PID1: variants seen among roughly 807,000 people sequenced by gnomAD.
The protein encoded by PID1 is PTB-containing, cubilin and LRP1-interacting protein.
In PID1, 10 loss-of-function variants were observed where a neutral mutation model predicts 19.1. That is an observed-to-expected ratio of 0.52 (90% CI 0.32 to 0.89). The LOEUF (loss-of-function observed/expected upper bound fraction) is 0.89, where lower values mean the gene tolerates loss of function less well. Among genes scored for constraint, PID1 ranks in the 40% least tolerant of loss-of-function variants. The pLI is 0.03. For missense variants in PID1, 248 were observed against 285.3 expected (o/e 0.87, Z 0.94); for synonymous variants, 130 against 116.0 (o/e 1.12, Z -0.78).
rs60923610 is a variant in PID1, at chr2:229,258,861, CAAAAAAAAAAA to C, written c.30+12142_30+12152del. On this transcript the variant is annotated intron_variant, in intron 1 of 2. Transcript: ENST00000392055. ...TGGGCGACAAAGCGAGACTCCGTCT[CAAAAAAAAAAA>C]AAAAAAAAAAAGATGTTGAACAAAT... Among the ~76,000 whole-genome samples, 27 of 66,998 alleles carry C rather than the reference CAAAAAAAAAAA, an allele frequency of 4.0e-4. 1 individual carries two copies. Among genetic ancestry groups the C allele is most frequent in the Non-Finnish European group, 7.5e-4 (24 of 32,212 alleles). The allele number at this position is 66,998 out of a possible 152,430, so 44.0% of individuals were successfully genotyped here.
At chr2:229,147,534 TA>T (rs1156967197) in intron 2 of PID1, among the ~76,000 whole-genome samples, 1 of 151,952 alleles carries the variant, frequency 6.6e-6, no homozygotes, top group Non-Finnish European at 1.5e-5. Context: ...CATTATTTTA[TA>T]AAAATGGATA....
intron 2 of PID1, among the ~76,000 whole-genome samples, chr2:229,075,435 A>G (rs1473654845): frequency 1.3e-5 from 2 of 152,340 alleles, no homozygotes; most frequent in African/African-American, 4.8e-5. Context: ...CATGCCCACC[A>G]CATATCAGTG....
At chr2:229,123,629 C>T (rs984286232) in intron 2 of PID1, among the ~76,000 whole-genome samples, 10 of 152,160 alleles carry the variant, frequency 6.6e-5, no homozygotes, top group African/African-American at 9.7e-5. Context: ...TACCATTTTA[C>T]CTTCCCACCA....
intron 1 of PID1, among the ~76,000 whole-genome samples, chr2:229,187,272 T>C (rs563974112): frequency 6.6e-6 from 1 of 152,322 alleles, no homozygotes; most frequent in African/African-American, 2.4e-5. Flanking sequence ...TTTGGGTATC[T>C]TTTCAGCAGC....
chr2:229,218,293 C>CA (rs67801043), intron 1 of PID1, among the ~76,000 whole-genome samples: 41 of 67,588 alleles, frequency 6.1e-4, no homozygotes, highest in African/African-American at 1.4e-3. Context: ...GTTTCCTGAG[C>CA]AAAAAAAAAA....
At chr2:229,026,298 C>T (rs143101840) in intron 2 of PID1, among the ~76,000 whole-genome samples, 190 bp from the exon 3 acceptor site, 1 of 152,298 alleles carries the variant, frequency 6.6e-6, no homozygotes, top group East Asian at 1.9e-4. Flanking sequence ...GCCTACTTGG[C>T]AAATGTATTG....
At chr2:229,060,355 A>T (rs1340299059) in intron 2 of PID1, among the ~76,000 whole-genome samples, 1 of 152,082 alleles carries the variant, frequency 6.6e-6, no homozygotes, top group Non-Finnish European at 1.5e-5. Flanking sequence ...CTACATATGG[A>T]TGACATCATA....
chr2:229,029,617 G>A (rs575234446), intron 2 of PID1, among the ~76,000 whole-genome samples: 9 of 152,034 alleles, frequency 5.9e-5, no homozygotes, highest in East Asian at 1.9e-4. Flanking sequence ...AGAGGCGGGC[G>A]GAACACGAGG....
chr2:229,150,108 C>A (rs749988662), intron 2 of PID1, among the ~76,000 whole-genome samples: 10 of 151,104 alleles, frequency 6.6e-5, no homozygotes, highest in Non-Finnish European at 1.5e-4. Flanking sequence ...GTGGCGGATG[C>A]CTGCAATTTA....
chr2:229,075,786 C>T lies in PID1; in HGVS notation c.178-49678G>A, dbSNP rs564860319. On this transcript the variant is annotated intron_variant, in intron 2 of 2. Coordinates refer to ENST00000392055, the MANE Select transcript of PID1 (RefSeq NM_001100818.2). ...TTAACTGCTATGCTCTTCCTTTTTT[C>T]CTGAGAAGTACTGTAAGAATACTGG... Among the ~76,000 whole-genome samples, 33 of 152,222 alleles carry T rather than the reference C, an allele frequency of 2.2e-4. No individual in the cohort carries two copies. The South Asian group carries it at 6.8e-3, about 32-fold the overall frequency.
chr2:229,127,854 T>C (rs1695655079), intron 2 of PID1, among the ~76,000 whole-genome samples: 1 of 152,244 alleles, frequency 6.6e-6, no homozygotes, highest in Non-Finnish European at 1.5e-5. Context: ...TGCCTGTCTG[T>C]AGGTGTTCCT....
chr2:229,185,016 CTA>C (rs1224708322), intron 1 of PID1, among the ~76,000 whole-genome samples: 9 of 142,392 alleles, frequency 6.3e-5, no homozygotes, highest in African/African-American at 2.3e-4. Flanking sequence ...ACTATATATA[CTA>C]TATGTATACT....
At chr2:229,122,312 A>G (rs1349167130) in intron 2 of PID1, among the ~76,000 whole-genome samples, 1 of 152,198 alleles carries the variant, frequency 6.6e-6, no homozygotes, top group East Asian at 1.9e-4. Context: ...TAGTCCATAC[A>G]ATATTTGGCT....
At chr2:229,157,686 C>T (rs747333446) in intron 1 of PID1, among the ~76,000 whole-genome samples, 3 of 152,154 alleles carry the variant, frequency 2.0e-5, no homozygotes, top group Admixed American at 1.3e-4. Context: ...TAAGCAGGGG[C>T]ACGCACAGCC....
At position 229,210,510 on chromosome 2, in the gene PID1, G is replaced by A. The variant is rs1691705583; in HGVS notation, c.31-54546C>T. Among the ~76,000 whole-genome samples the A allele has an allele frequency of 2.9e-5, 3 of 102,284 alleles. No individual in the cohort carries two copies. In the South Asian group the frequency reaches 1.2e-3, roughly 40 times the overall value. The allele number at this position is 102,284 out of a possible 152,430, so 67.1% of individuals were successfully genotyped here. A position where few individuals can be genotyped will look rare whatever the true frequency, so the allele number is the denominator to read the frequency against. On this transcript the variant is annotated intron_variant, in intron 1 of 2. Transcript: ENST00000392055. The stretch of plus-strand genomic sequence containing the variant: ...CCAGCCTGGGAGACAAAGCTCCCAG[G>A]CTGGAGTTTTGTCTCAAAAAAAAAA...
intron 2 of PID1, among the ~76,000 whole-genome samples, chr2:229,151,637 C>T (rs879524450): frequency 3.2e-4 from 48 of 150,638 alleles, no homozygotes; most frequent in Non-Finnish European, 6.0e-4. Context: ...GTGGCACGAT[C>T]TCGGCTCACT....
intron 2 of PID1, among the ~76,000 whole-genome samples, chr2:229,097,304 G>A (rs1694990910): frequency 6.6e-6 from 1 of 152,156 alleles, no homozygotes; most frequent in African/African-American, 2.4e-5. Context: ...TATAGAGAAT[G>A]CTGAGCTTTG....
intron 2 of PID1, among the ~76,000 whole-genome samples, chr2:229,052,983 T>C (rs934350051): frequency 6.6e-6 from 1 of 152,228 alleles, no homozygotes; most frequent in Non-Finnish European, 1.5e-5. Context: ...ACAATTATTA[T>C]GAAAGCTGTA....
At chr2:229,226,482 A>G (rs1692079934) in intron 1 of PID1, among the ~76,000 whole-genome samples, 1 of 152,240 alleles carries the variant, frequency 6.6e-6, no homozygotes, top group African/African-American at 2.4e-5. Context: ...AACTTAGCAC[A>G]GGATGACACC....
Sources: allele counts gnomAD v4.1 joint callset (sites outside exome capture counted in the v4.1 genomes callset), GRCh38; gene constraint gnomAD v4.1.1; transcripts MANE v1.5; gene names NCBI Gene and HGNC (gene_info 2026-07-23, HGNC 2026-07-21).